USP6: variants seen among roughly 807,000 people sequenced by gnomAD.
USP6 encodes the protein ubiquitin carboxyl-terminal hydrolase 6.
In USP6, 128 loss-of-function variants were observed where a neutral mutation model predicts 175.7. The ratio of observed to expected loss-of-function variants is 0.73; its 90% CI spans 0.63 to 0.84. The LOEUF (loss-of-function observed/expected upper bound fraction) is 0.84, where lower values mean the gene tolerates loss of function less well. Among genes scored for constraint, USP6 ranks in the 40% least tolerant of loss-of-function variants. The pLI is 0.00. For synonymous variants in USP6, 562 were observed against 630.6 expected (o/e 0.89, Z 1.63); for missense variants, 1,498 against 1,760.3 (o/e 0.85, Z 2.67).
chr17:5,129,358 G>C (rs548394789), intron 8 of USP6: 43 of 152,530 alleles, frequency 2.8e-4, no homozygotes, highest in African/African-American at 9.9e-4. Flanking sequence ...GAGGAGGGAA[G>C]GGTCCTCAGA....
Position 5,132,922 on chromosome 17 carries a change from G to C in USP6, c.208G>C (p.Glu70Gln). The C allele has an allele frequency of 1.9e-6, 3 of 1,614,186 alleles. No individual in the cohort carries two copies. The highest frequency in any genetic ancestry group is 2.5e-6 in the Non-Finnish European group (3 of 1,180,026). The stretch of plus-strand genomic sequence containing the variant: ...CCTCATTTGACAGAAAATTCGGCGG[G>C]AGATGACACGAACGAGCAAGTGGAT... ...TAREAKKIRR[E>Q]MTRTSKWMEM... The change falls in exon 13 of 38, where the codon GAG (glutamate) becomes CAG (glutamine). Residue 70 changes from glutamate (E) to glutamine (Q), a missense_variant. Around this residue, in one of 2 missense-constraint regions of USP6, gnomAD observed 281 missense variants for 259.6 expected, o/e 1.08. Coordinates refer to ENST00000574788, the MANE Select transcript of USP6 (RefSeq NM_001304284.2). This position sits in a 1 kb window ranked among gnomAD's most constrained non-coding sequence, Gnocchi z 4.7.
At chr17:5,138,631 A>T (rs2073339540) in intron 21 of USP6, among the ~76,000 whole-genome samples, 1 of 152,088 alleles carries the variant, frequency 6.6e-6, no homozygotes, top group African/African-American at 2.4e-5. Flanking sequence ...CCACAGCCTC[A>T]GAGAGCAGCA....
Position 5,135,873 on chromosome 17 carries a change from G to A in USP6, c.609G>A (p.Glu203=). The stretch of plus-strand genomic sequence containing the variant: ...TGTTCCTCCTTTATCTGCCTGAGGA[G>A]GACGCATTCTGGGCACTGGTGCAGC... ...TALFLLYLPE[E]DAFWALVQLL... The change falls in exon 17 of 38, where the codon GAG becomes GAA. Residue 203 remains glutamate (E), a synonymous_variant. Coordinates refer to ENST00000574788, the MANE Select transcript of USP6 (RefSeq NM_001304284.2). 1 of 1,599,524 alleles carries A rather than the reference G, an allele frequency of 6.3e-7. No individual in the cohort carries two copies. The highest frequency in any genetic ancestry group is 1.3e-5 in the African/African-American group (1 of 74,982).
At chr17:5,123,700 C>T (rs539590230) in intron 4 of USP6, among the ~76,000 whole-genome samples, 32 of 152,150 alleles carry the variant, frequency 2.1e-4, no homozygotes, top group Non-Finnish European at 3.4e-4. Context: ...TGCTGGGCTT[C>T]GTTCGCTCTC....
At chr17:5,130,814 C>T in intron 11 of USP6, 130 bp downstream of exon 11, 1 of 1,256,042 alleles carries the variant, frequency 8.0e-7, no homozygotes. Context: ...TTTCCAGGGT[C>T]AGAACTCCTC....
At chr17:5,147,696 G>C (rs114609923) in intron 29 of USP6, among the ~76,000 whole-genome samples, 1 of 152,020 alleles carries the variant, frequency 6.6e-6, no homozygotes, top group Non-Finnish European at 1.5e-5. Flanking sequence ...TAGTCCTGAC[G>C]GTGAGTTGGT....
intron 9 of USP6, 102 bp from the exon 10 acceptor site, chr17:5,130,265 G>A (rs1479986884): frequency 1.7e-6 from 2 of 1,145,820 alleles, no homozygotes; most frequent in Non-Finnish European, 2.6e-6. Context: ...GTGGAATGAA[G>A]GTTATACAAC....
chr17:5,139,459 G>A lies in USP6; in HGVS notation c.1283G>A (p.Gly428Asp). 6.2e-7 allele frequency: 1 copy of A among 1,613,198 alleles called. No homozygotes were observed. Among genetic ancestry groups the A allele is most frequent in the Non-Finnish European group, 8.5e-7 (1 of 1,180,020 alleles). Residue 428 changes from glycine to aspartate, a missense_variant, in exon 22 of 38, where the codon GGC becomes GAC. Around this residue, in one of 2 missense-constraint regions of USP6, gnomAD observed 1,217 missense variants for 1,500.8 expected, o/e 0.81. Transcript: ENST00000574788. ...GTCCGGGAAGACACGTACCCTGTGGGCACTCAGGGTGTGCCCAGCCTGGCC... is the reference window on the plus strand; with the variant it reads ...GTCCGGGAAGACACGTACCCTGTGGACACTCAGGGTGTGCCCAGCCTGGCC... The part of the protein sequence containing the change: ...GAVREDTYPV[G>D]TQGVPSLALA...
intron 36 of USP6, among the ~76,000 whole-genome samples, chr17:5,171,291 G>C (rs2074211085): frequency 6.6e-6 from 1 of 152,082 alleles, no homozygotes; most frequent in Admixed American, 6.6e-5. Context: ...AGAGAGTTGT[G>C]ATCACTCGAC....
intron 37 of USP6, 47 bp from the exon 38 acceptor site, chr17:5,172,758 T>A: frequency 2.5e-6 from 4 of 1,608,082 alleles, no homozygotes; most frequent in Non-Finnish European, 3.4e-6. Context: ...GGATTTAGAG[T>A]CATAATAGTG....
rs1239667339 is a variant in USP6, at chr17:5,133,936, A to C, written c.434A>C (p.Asp145Ala). ...TCATCTGAACACATCCACCACATCG[A>C]CCTGGACGTGAGGACGACTCTCCGG... ...KRSSEHIHHI[D>A]LDVRTTLRNH... Residue 145 changes from aspartate (D) to alanine (A), a missense_variant, in exon 15 of 38, where the codon GAC becomes GCC. Asp to Ala is a moderately radical substitution (Grantham distance 126, BLOSUM62 -2). Around this residue, in one of 2 missense-constraint regions of USP6, gnomAD observed 281 missense variants for 259.6 expected, o/e 1.08. Coordinates refer to ENST00000574788, the MANE Select transcript of USP6 (RefSeq NM_001304284.2). 1 of 1,614,100 alleles carries C rather than the reference A, an allele frequency of 6.2e-7. No homozygotes were observed. Among genetic ancestry groups the C allele is most frequent in the Admixed American group, 1.7e-5 (1 of 60,022 alleles).
chr17:5,132,099 A>G lies in USP6; in HGVS notation c.156-297A>G. On this transcript the variant is annotated intron_variant, in intron 11 of 37. Coordinates refer to ENST00000574788, the MANE Select transcript of USP6 (RefSeq NM_001304284.2). The surrounding 1 kb of genome is among the most constrained non-coding windows in gnomAD (Gnocchi z 4.7). ...AGGGCTAACCTTTCTCAGCTCCAGC[A>G]GAAAGCACCACCTCAAGTCCAGGAT... 5 of 1,092,794 alleles carry G rather than the reference A, an allele frequency of 4.6e-6. No homozygotes were observed. The highest frequency in any genetic ancestry group is 6.2e-6 in the Non-Finnish European group (5 of 802,242). 67.7% of individuals were successfully genotyped at this position (1,092,794 alleles called of 1,614,324 possible).
rs768691483 is a variant in USP6 at position 5,139,267 on chromosome 17, A to G, written c.1091A>G (p.Gln364Arg). ...GTTTTCCTTTCAGCCAAACGCGAGC[A>G]AGGGTCCTTGGCACCCAGGCCTGTG... ...GDLPPPAKRE[Q>R]GSLAPRPVPA... The change falls in exon 22 of 38, where the codon CAA (glutamine) becomes CGA (arginine). Residue 364 changes from glutamine to arginine, a missense_variant. By Grantham distance (43) the Gln-to-Arg change is conservative. Around this residue, in one of 2 missense-constraint regions of USP6, gnomAD observed 1,217 missense variants for 1,500.8 expected, o/e 0.81. Coordinates refer to ENST00000574788, the MANE Select transcript of USP6 (RefSeq NM_001304284.2). 4.4e-6 allele frequency: 7 copies of G among 1,602,804 alleles called. No homozygotes were observed. Among genetic ancestry groups the G allele is most frequent in the Non-Finnish European group, 5.9e-6 (7 of 1,179,984 alleles).
intron 37 of USP6, among the ~76,000 whole-genome samples, chr17:5,172,254 G>A (rs2074238888): frequency 6.6e-6 from 1 of 151,928 alleles, no homozygotes; most frequent in Non-Finnish European, 1.5e-5. Flanking sequence ...GGGTTGGGCC[G>A]AGCGCGGTGG....
rs983339391 is a variant in USP6, at chr17:5,163,099, C to T, written c.3036+95C>T. The T allele has an allele frequency of 4.1e-6, 6 of 1,461,084 alleles. No individual in the cohort carries two copies. In the South Asian group the frequency reaches 7.9e-5, roughly 19 times the overall value. 90.5% of individuals were successfully genotyped at this position (1,461,084 alleles called of 1,614,324 possible). ...CCATTTCTGTTTGACAATTTAAAAA[C>T]AACCAGAAAAACCTTCATTGGCATC... On this transcript the variant is annotated intron_variant, in intron 33 of 37. Transcript: ENST00000574788.
rs938124747 is a variant in USP6 at position 5,127,656 on chromosome 17, A to G, written c.-338+17A>G. 2.0e-5 allele frequency: 3 copies of G among 152,212 alleles called. No individual in the cohort carries two copies. Among genetic ancestry groups the G allele is most frequent in the African/African-American group, 7.2e-5 (3 of 41,464 alleles). 9.4% of individuals were successfully genotyped at this position (152,212 alleles called of 1,614,324 possible). On this transcript the variant is annotated intron_variant, in intron 7 of 37. Coordinates refer to ENST00000574788, the MANE Select transcript of USP6 (RefSeq NM_001304284.2). ...CCTTCCTGAGTGAGTTTATATAGTC[A>G]TCCCTTGGTATCCATGGAGGATTAG...
chr17:5,150,422 T>TA (rs982808628), intron 30 of USP6, among the ~76,000 whole-genome samples: 48 of 151,778 alleles, frequency 3.2e-4, no homozygotes, highest in African/African-American at 1.2e-3. Flanking sequence ...GTAAAAAAGG[T>TA]ACTACTGTAT....
chr17:5,162,801 G>C, intron 32 of USP6, 83 bp from the exon 33 acceptor site: 1 of 1,543,972 alleles, frequency 6.5e-7, no homozygotes. Flanking sequence ...CAGAAAAGTA[G>C]GAAGGGAGAA....
intron 19 of USP6, 44 bp downstream of exon 19, chr17:5,137,230 C>T (rs1347011944): frequency 1.9e-6 from 3 of 1,603,972 alleles, no homozygotes; most frequent in African/African-American, 2.7e-5. Context: ...CCCTCCTTGC[C>T]CTGCAGTGCC....
Sources: gnomAD v4.1 joint callset for allele counts (sites outside exome capture counted in the v4.1 genomes callset) on GRCh38, gnomAD v4.1.1 for gene constraint, gnomAD v4.1.1 regional missense constraint, Gnocchi (gnomAD v3.1) non-coding constraint, MANE v1.5 for transcripts, NCBI Gene and HGNC (gene_info 2026-07-23, HGNC 2026-07-21) for gene names.